The following ADPRHL1 variants were observed in gnomAD, a reference collection of about 807,000 sequenced individuals.
ADPRHL1 encodes inactive ADP-ribosyltransferase ARH2.
In ADPRHL1, 43 loss-of-function variants were observed where a neutral mutation model predicts 44.1. That is an observed-to-expected ratio of 0.98 (90% CI 0.76 to 1.26). ADPRHL1 has a LOEUF of 1.26. ADPRHL1 is among the 50% of genes most tolerant of loss of function. The probability of loss-of-function intolerance (pLI) is 0.00; values close to 1 mark genes in which losing one functional copy is unlikely to be tolerated. For synonymous variants in ADPRHL1, 878 were observed against 1,017.4 expected (o/e 0.86, Z 2.61); for missense variants, 2,022 against 2,496.9 (o/e 0.81, Z 4.05).
At chr13:113,416,927 G>GAT (rs1325739254) in intron 7 of ADPRHL1, among the ~76,000 whole-genome samples, 1 of 152,244 alleles carries the variant, frequency 6.6e-6, no homozygotes, top group East Asian at 1.9e-4. Context: ...GCGAATGCAC[G>GAT]AGTGTGTGCA....
chr13:113,430,982 C>T (rs1236948735), intron 3 of ADPRHL1, among the ~76,000 whole-genome samples: 1 of 152,220 alleles, frequency 6.6e-6, no homozygotes, highest in Non-Finnish European at 1.5e-5. Context: ...TGGTGATCAC[C>T]CCTCTTGTGG....
At chr13:113,424,374 G>T (rs2043948364) in intron 5 of ADPRHL1, 25 bp from the exon 6 acceptor site, 3 of 1,612,304 alleles carry the variant, frequency 1.9e-6, no homozygotes, top group Non-Finnish European at 2.5e-6. Context: ...GTGGGTCGGG[G>T]CGTGTGCCCA....
At chr13:113,440,591 G>A (rs1228570474) in intron 2 of ADPRHL1, among the ~76,000 whole-genome samples, 1 of 151,866 alleles carries the variant, frequency 6.6e-6, no homozygotes, top group Non-Finnish European at 1.5e-5. Flanking sequence ...AAGTAGCTGG[G>A]ATTACAGGGG....
rs541365930 is a variant in ADPRHL1 at position 113,408,197 on chromosome 13, C to T, written c.1085G>A (p.Ser362Asn). 16 of 1,232,028 alleles carry T rather than the reference C, an allele frequency of 1.3e-5. No individual in the cohort carries two copies. In the South Asian group the frequency reaches 5.8e-4, roughly 44 times the overall value. 76.3% of individuals were successfully genotyped at this position (1,232,028 alleles called of 1,614,324 possible). A position where few individuals can be genotyped will look rare whatever the true frequency, so the allele number is the denominator to read the frequency against. The part of the protein sequence containing the change: ...EENRKSSKTC[S>N]DVMSVDAQTL... ...TTGGGCGTCCACAGACATGACGTCA[C>T]TGCAGGTCTTGCTGCTCTTCCGGCT... The change falls in exon 8 of 8, where the codon AGT (serine) becomes AAT (asparagine). Residue 362 changes from serine to asparagine, a missense_variant. Transcript: ENST00000612156.
At chr13:113,445,940 G>T (rs964963352) in intron 1 of ADPRHL1, among the ~76,000 whole-genome samples, 1 of 150,784 alleles carries the variant, frequency 6.6e-6, no homozygotes, top group Non-Finnish European at 1.5e-5. Context: ...GCACGCACGT[G>T]TAGGGACCAT....
At chr13:113,443,546 G>A (rs971467581) in intron 2 of ADPRHL1, among the ~76,000 whole-genome samples, 4 of 152,036 alleles carry the variant, frequency 2.6e-5, no homozygotes, top group African/African-American at 9.7e-5. Flanking sequence ...TTGAGTCTGG[G>A]AGGTCAAGGC....
rs758335957 is a variant in ADPRHL1 at position 113,408,097 on chromosome 13, G to T, written c.1185C>A (p.Tyr395Ter). The T allele has an allele frequency of 1.6e-6, 2 of 1,232,026 alleles. No homozygotes were observed. 76.3% of individuals were successfully genotyped at this position (1,232,026 alleles called of 1,614,324 possible). A position where few individuals can be genotyped will look rare whatever the true frequency, so the allele number is the denominator to read the frequency against. The change falls in exon 8 of 8, where the codon TAC (tyrosine) becomes TAA (stop). Residue 395 changes from tyrosine (Y) to a stop codon, truncating the protein, a stop_gained. Transcript: ENST00000612156. LOFTEE classifies it low-confidence loss of function (END_TRUNC). Reference protein sequence around the residue: ...AHSILSSLLLYVTGRADRPPG... With the variant: ...AHSILSSLLL ...GGGGCCGGTCTGCGCGGCCCGTGAC[G>T]TAGAGCAGCAGGCTGCTGAGGATGG...
chr13:113,423,570 A>G (rs932081211), intron 6 of ADPRHL1, among the ~76,000 whole-genome samples: 1 of 152,178 alleles, frequency 6.6e-6, no homozygotes, highest in African/African-American at 2.4e-5. Context: ...CACTGAAGGG[A>G]GGCAATTTCA....
At position 113,407,573 on chromosome 13, in the gene ADPRHL1, A is replaced by G; in HGVS notation, c.1709T>C (p.Leu570Pro). The change falls in exon 8 of 8, where the codon CTG becomes CCG. Residue 570 changes from leucine to proline, a missense_variant. Transcript: ENST00000612156. ...CLCSEASALR[L>P]HTQERKKRNL... The stretch of plus-strand genomic sequence containing the variant: ...CCTCTTCTTCCGCTCCTGCGTGTGC[A>G]GCCTCAGCGCACTGGCCTCGGAGCA... The G allele has an allele frequency of 8.1e-7, 1 of 1,232,176 alleles. No individual in the cohort carries two copies. The highest frequency in any genetic ancestry group is 1.0e-6 in the Non-Finnish European group (1 of 988,076). 76.3% of individuals were successfully genotyped at this position (1,232,176 alleles called of 1,614,324 possible). A position where few individuals can be genotyped will look rare whatever the true frequency, so the allele number is the denominator to read the frequency against.
chr13:113,432,374 C>T (rs2044013356), intron 3 of ADPRHL1, among the ~76,000 whole-genome samples: 1 of 152,244 alleles, frequency 6.6e-6, no homozygotes, highest in Non-Finnish European at 1.5e-5. Context: ...CTCTGCCTCC[C>T]AAAGTGCTGG....
Position 113,431,692 on chromosome 13 carries a change from T to C in ADPRHL1, c.505+2050A>G, listed in dbSNP as rs181129157. Among the ~76,000 whole-genome samples the C allele has an allele frequency of 7.2e-5, 11 of 152,342 alleles. No individual in the cohort carries two copies. In the East Asian group the frequency reaches 2.1e-3, roughly 29 times the overall value. ...TTTTTGGTCATTATCATAGAATATA[T>C]AAATTATTCATCTATTAAACATGTG... On this transcript the variant is annotated intron_variant, in intron 3 of 7. Coordinates refer to ENST00000612156, the MANE Select transcript of ADPRHL1 (RefSeq NM_001394807.1).
rs1484270488 is a variant in ADPRHL1, at chr13:113,403,785, C to T, written c.5497G>A (p.Gly1833Ser). Reference sequence around the variant, plus strand: ...GGGCTTCTGGACCCCCCACTCCTGCCAGCAGCATCCACTCCCTCAGCTATG... The same window carrying T: ...GGGCTTCTGGACCCCCCACTCCTGCTAGCAGCATCCACTCCCTCAGCTATG... ...SGIAEGVDAA[G>S]RSGGSRSPAP... is the part of the protein sequence containing the mutation. The change falls in exon 8 of 8, where the codon GGC (glycine) becomes AGC (serine). Residue 1833 changes from glycine to serine, a missense_variant. By Grantham distance (56) the Gly-to-Ser change is moderately conservative. Coordinates refer to ENST00000612156, the MANE Select transcript of ADPRHL1 (RefSeq NM_001394807.1). 1.1e-5 allele frequency: 13 copies of T among 1,233,698 alleles called. No homozygotes were observed. The South Asian group carries it at 4.9e-4, about 46-fold the overall frequency. The allele number at this position is 1,233,698 out of a possible 1,614,324, so 76.4% of individuals were successfully genotyped here.
Position 113,409,991 on chromosome 13 carries a change from AAAAG to A in ADPRHL1, c.1062-1775_1062-1772del, listed in dbSNP as rs1466355599. The A allele has an allele frequency of 2.0e-6, 2 of 985,164 alleles. No individual in the cohort carries two copies. The highest frequency in any genetic ancestry group is 3.5e-5 in the African/African-American group (2 of 57,198). The allele number at this position is 985,164 out of a possible 1,614,324, so 61.0% of individuals were successfully genotyped here. Reference sequence around the variant, plus strand: ...TTTTTGTGTTTGTCTGCATTTTTCCAAAAGAGAGAGCTCTGTTTTGAAGCCATGG... The same window carrying A: ...TTTTTGTGTTTGTCTGCATTTTTCCAAGAGAGCTCTGTTTTGAAGCCATGG... On this transcript the variant is annotated intron_variant, in intron 7 of 7. Coordinates refer to ENST00000612156, the MANE Select transcript of ADPRHL1 (RefSeq NM_001394807.1). This position sits in a 1 kb window ranked among gnomAD's most constrained non-coding sequence, Gnocchi z 4.2.
In ADPRHL1 at chr13:113,407,882, A is replaced by G. The variant is rs2043821044; in HGVS notation, c.1400T>C (p.Val467Ala). Residue 467 changes from valine to alanine, a missense_variant, in exon 8 of 8, where the codon GTG (valine) becomes GCG (alanine). By Grantham distance (64) the Val-to-Ala change is moderately conservative. This residue lies in a region of ADPRHL1 where 1,221 missense variants were observed against 1,517.8 expected (regional missense o/e 0.80). Transcript: ENST00000612156. ...KDKQGPGGGL[V>A]GATINKLLEK... Reference sequence around the variant, plus strand: ...CAGGAGCTTGTTGATGGTGGCACCCACGAGGCCCCCACCCGGCCCCTGCTT... The same window carrying G: ...CAGGAGCTTGTTGATGGTGGCACCCGCGAGGCCCCCACCCGGCCCCTGCTT... The G allele has an allele frequency of 2.4e-6, 3 of 1,231,882 alleles. No homozygotes were observed. The highest frequency in any genetic ancestry group is 2.0e-6 in the Non-Finnish European group (2 of 987,940). The allele number at this position is 1,231,882 out of a possible 1,614,324, so 76.3% of individuals were successfully genotyped here.
In ADPRHL1 at chr13:113,403,945, C is replaced by G; in HGVS notation, c.5337G>C (p.Gln1779His). 7.6e-7 allele frequency: 1 copy of G among 1,312,244 alleles called. No individual in the cohort carries two copies. The highest frequency in any genetic ancestry group is 2.6e-5 in the South Asian group (1 of 38,546). 81.3% of individuals were successfully genotyped at this position (1,312,244 alleles called of 1,614,324 possible). Residue 1779 changes from glutamine to histidine, a missense_variant, in exon 8 of 8, where the codon CAG (glutamine) becomes CAC (histidine). Physicochemically the swap from Gln to His is conservative, Grantham distance 24. Transcript: ENST00000612156. ...TCTCTATCTGGGTCTGCTCCCAGCC[C>G]TGATCCCGAGCCCGATCCCGAGCCC... ...QEWARDRARD[Q>H]GWEQTQIETQ...
At chr13:113,445,136 C>T (rs909535089) in intron 1 of ADPRHL1, among the ~76,000 whole-genome samples, 1 of 152,166 alleles carries the variant, frequency 6.6e-6, no homozygotes, top group African/African-American at 2.4e-5. Flanking sequence ...AGGGTGGGCT[C>T]GAGGCCCTGA....
chr13:113,413,437 C>A (rs968478387), intron 7 of ADPRHL1, among the ~76,000 whole-genome samples: 2 of 152,234 alleles, frequency 1.3e-5, no homozygotes, highest in Non-Finnish European at 1.5e-5. Flanking sequence ...AGGGGAACAG[C>A]GTGGACGCCA....
At chr13:113,429,217 C>T in intron 3 of ADPRHL1, 125 bp from the exon 4 acceptor site, 1 of 1,302,350 alleles carries the variant, frequency 7.7e-7, no homozygotes, top group Non-Finnish European at 1.1e-6. Flanking sequence ...TTCCCATGTT[C>T]AGGTGCACAG....
At chr13:113,451,205 G>A (rs2044177416) in intron 1 of ADPRHL1, among the ~76,000 whole-genome samples, 1 of 152,198 alleles carries the variant, frequency 6.6e-6, no homozygotes, top group Non-Finnish European at 1.5e-5. Flanking sequence ...TGATTATAGA[G>A]CGAGGATTAT....
Sources: allele counts gnomAD v4.1 joint callset (sites outside exome capture counted in the v4.1 genomes callset), GRCh38; gene constraint gnomAD v4.1.1; regional missense constraint gnomAD v4.1.1; non-coding constraint Gnocchi (gnomAD v3.1); transcripts MANE v1.5; gene names NCBI Gene and HGNC (gene_info 2026-07-23, HGNC 2026-07-21).